The following FSTL5 variants were observed in gnomAD, a reference collection of about 807,000 sequenced individuals.
The protein encoded by FSTL5 is follistatin like 5.
In FSTL5, 62 loss-of-function variants were observed where a neutral mutation model predicts 89.1. The ratio of observed to expected loss-of-function variants is 0.70; its 90% CI spans 0.57 to 0.86. FSTL5 has a LOEUF of 0.86. Ranked by LOEUF, FSTL5 falls within the 40% of genes least tolerant of loss-of-function variation. The probability of loss-of-function intolerance (pLI) is 0.00; values close to 1 mark genes in which losing one functional copy is unlikely to be tolerated. For synonymous variants in FSTL5, 383 were observed against 346.2 expected, an observed-to-expected ratio of 1.11 and a Z score of -1.18; for missense variants, 1,057 against 1,001.6, an observed-to-expected ratio of 1.06 and a Z score of -0.75.
chr4:161,466,882 T>A (rs182210998), intron 13 of FSTL5, among the ~76,000 whole-genome samples: 27 of 152,222 alleles, frequency 1.8e-4, no homozygotes, highest in African/African-American at 4.1e-4. Context: ...TTATAGTTTT[T>A]AAAATATTAT....
intron 3 of FSTL5, among the ~76,000 whole-genome samples, chr4:161,978,326 AAAAACAAAAC>A (rs1470223510): frequency 1.3e-5 from 2 of 152,204 alleles, no homozygotes; most frequent in Non-Finnish European, 1.5e-5. Context: ...CTTCAATTGG[AAAAACAAAAC>A]AAAAGAAAAC....
intron 2 of FSTL5, among the ~76,000 whole-genome samples, chr4:162,073,994 A>T (rs914990228): frequency 6.6e-6 from 1 of 151,770 alleles, no homozygotes; most frequent in African/African-American, 2.4e-5. Flanking sequence ...CACATCTCTC[A>T]GTTGTTCCAC....
At chr4:162,085,063 TG>T (rs1730256322) in intron 2 of FSTL5, among the ~76,000 whole-genome samples, 1 of 152,046 alleles carries the variant, frequency 6.6e-6, no homozygotes, top group African/African-American at 2.4e-5. Context: ...AAATAACAGC[TG>T]TTACAAGCTG....
intron 6 of FSTL5, among the ~76,000 whole-genome samples, chr4:161,723,336 C>T (rs1739280577): frequency 6.6e-6 from 1 of 151,950 alleles, no homozygotes; most frequent in African/African-American, 2.4e-5. Flanking sequence ...ATGTATTACC[C>T]TTGGTTAAAA....
chr4:161,551,075 T>A (rs1160126246), intron 8 of FSTL5, among the ~76,000 whole-genome samples: 3 of 152,056 alleles, frequency 2.0e-5, no homozygotes, highest in Non-Finnish European at 4.4e-5. Context: ...GCAGCATGAT[T>A]TATAGTCCAT....
intron 6 of FSTL5, among the ~76,000 whole-genome samples, chr4:161,744,438 G>A (rs1740124557): frequency 6.6e-6 from 1 of 152,104 alleles, no homozygotes; most frequent in Non-Finnish European, 1.5e-5. Context: ...ACCAATAGTG[G>A]TATACATCTT....
chr4:161,735,696 T>TA, intron 6 of FSTL5, among the ~76,000 whole-genome samples: 1 of 152,228 alleles, frequency 6.6e-6, no homozygotes, highest in East Asian at 1.9e-4. Context: ...ATAACTTCAG[T>TA]AAAAAAATTT....
In FSTL5 at chr4:162,003,101, A is replaced by G. The variant is rs965685900; in HGVS notation, c.160+30524T>C. On this transcript the variant is annotated intron_variant, in intron 3 of 15. Coordinates refer to ENST00000306100, the MANE Select transcript of FSTL5 (RefSeq NM_020116.5). Reference sequence around the variant, plus strand: ...GGAGCTTGCAGTGAGCCGAGATCGCACCACTGTGCTTCTGCCTGGGGGACA... The same window carrying G: ...GGAGCTTGCAGTGAGCCGAGATCGCGCCACTGTGCTTCTGCCTGGGGGACA... Among the ~76,000 whole-genome samples the G allele has an allele frequency of 2.6e-5, 4 of 152,130 alleles. No individual in the cohort carries two copies. In the South Asian group the frequency reaches 6.2e-4, roughly 24 times the overall value.
intron 3 of FSTL5, among the ~76,000 whole-genome samples, chr4:162,019,917 ATTG>A (rs1466860320): frequency 4.0e-5 from 6 of 149,834 alleles, no homozygotes; most frequent in South Asian, 2.1e-4. Flanking sequence ...CTTTAGAGAC[ATTG>A]TTGTGAATTT....
chr4:162,034,595 T>C (rs1737660914), intron 2 of FSTL5, among the ~76,000 whole-genome samples: 1 of 152,100 alleles, frequency 6.6e-6, no homozygotes, highest in Admixed American at 6.6e-5. Flanking sequence ...TATTGTGCAC[T>C]AACTTCTCAA....
At chr4:161,865,345 C>A (rs764377054) in intron 4 of FSTL5, among the ~76,000 whole-genome samples, 8 of 152,080 alleles carry the variant, frequency 5.3e-5, no homozygotes, top group Non-Finnish European at 1.2e-4. Flanking sequence ...ATTAATTGTG[C>A]AAAGATCATT....
At position 161,766,074 on chromosome 4, in the gene FSTL5, G is replaced by A. The variant is rs1037974148; in HGVS notation, c.607-6543C>T. 1.6e-4 allele frequency among the ~76,000 whole-genome samples: 24 copies of A among 152,258 alleles called. No homozygotes were observed. In the East Asian group the frequency reaches 2.3e-3, roughly 15 times the overall value. ...TCCCAAAGTTGATGAGATTACAGGCGTGAGCCACCGCGCCAGCTCCTAATA... is the reference window on the plus strand; with the variant it reads ...TCCCAAAGTTGATGAGATTACAGGCATGAGCCACCGCGCCAGCTCCTAATA... On this transcript the variant is annotated intron_variant, in intron 5 of 15. Transcript: ENST00000306100.
At chr4:161,408,702 A>G (rs1189300356) in intron 15 of FSTL5, among the ~76,000 whole-genome samples, 1 of 152,180 alleles carries the variant, frequency 6.6e-6, no homozygotes, top group East Asian at 1.9e-4. Context: ...TCAAGAGCTA[A>G]AAGAGAAAAT....
chr4:161,783,146 C>T (rs539058998), intron 4 of FSTL5, among the ~76,000 whole-genome samples: 28 of 152,172 alleles, frequency 1.8e-4, no homozygotes, highest in Middle Eastern at 6.8e-3. Context: ...AAATAAAAAA[C>T]GCAAATTTAT....
At chr4:161,827,051 C>G (rs983039320) in intron 4 of FSTL5, among the ~76,000 whole-genome samples, 9 of 152,046 alleles carry the variant, frequency 5.9e-5, no homozygotes, top group African/African-American at 2.2e-4. Context: ...AGTTAGAGCT[C>G]CTTTTAGCAG....
intron 2 of FSTL5, among the ~76,000 whole-genome samples, chr4:162,078,326 T>G (rs1222608713): frequency 6.6e-6 from 1 of 151,894 alleles, no homozygotes; most frequent in African/African-American, 2.4e-5. Flanking sequence ...TATATGACAA[T>G]GAAATTCACT....
intron 3 of FSTL5, among the ~76,000 whole-genome samples, chr4:161,929,660 CGT>C (rs765281533): frequency 0.026 from 3,251 of 126,868 alleles, 86 homozygotes; most frequent in African/African-American, 0.07. Context: ...TAGGTAGGCA[CGT>C]GTGTGTGTGT....
intron 6 of FSTL5, among the ~76,000 whole-genome samples, chr4:161,750,404 A>G (rs1372701790): frequency 6.6e-6 from 1 of 152,180 alleles, no homozygotes; most frequent in East Asian, 1.9e-4. Context: ...AAAAGAATGA[A>G]TAATATACAC....
At chr4:161,615,709 T>C (rs1482284750) in intron 7 of FSTL5, among the ~76,000 whole-genome samples, 2 of 152,178 alleles carry the variant, frequency 1.3e-5, no homozygotes, top group African/African-American at 4.8e-5. Flanking sequence ...TGTTTGATTG[T>C]GGGTGTTAAA....
Sources: allele counts gnomAD v4.1 joint callset (sites outside exome capture counted in the v4.1 genomes callset), GRCh38; gene constraint gnomAD v4.1.1; transcripts MANE v1.5; gene names NCBI Gene and HGNC (gene_info 2026-07-23, HGNC 2026-07-21).